TUSC3: variants seen among roughly 807,000 people sequenced by gnomAD.
TUSC3 encodes the protein dolichyl-diphosphooligosaccharide--protein glycosyltransferase subunit TUSC3.
TUSC3 carries 45 observed loss-of-function variants against 44.8 expected under a neutral mutation model. That is an observed-to-expected ratio of 1.00 (90% CI 0.79 to 1.29). TUSC3 has a LOEUF of 1.29. Among genes scored for constraint, TUSC3 ranks in the 50% most tolerant of loss-of-function variants. TUSC3 has a pLI of 0.00. For missense variants in TUSC3, 519 were observed against 437.9 expected (o/e 1.19, Z -1.65); for synonymous variants, 212 against 152.9 (o/e 1.39, Z -2.85).
In TUSC3 at chr8:15,449,611, G is replaced by C. The variant is rs146660350; in HGVS notation, n.91+32306G>C. On this transcript the variant is annotated intron_variant and non_coding_transcript_variant, in intron 1 of 5. Coordinates refer to the TUSC3 transcript ENST00000503191. ...GAAAAAGCCTAATGGAGGTTATTGA[G>C]GGAGGGAGTATAATGAGGCGTCTTA... 3.5e-4 allele frequency among the ~76,000 whole-genome samples: 54 copies of C among 152,278 alleles called. 1 individual carries two copies. The East Asian group carries it at 9.3e-3, about 26-fold the overall frequency.
At chr8:15,644,391 T>C (rs923429963) in intron 2 of TUSC3, among the ~76,000 whole-genome samples, 5 of 152,198 alleles carry the variant, frequency 3.3e-5, no homozygotes, top group Admixed American at 6.5e-5. Context: ...CAAAATATTT[T>C]TCAGTTAATA....
chr8:15,463,878 A>T (rs1800380764), intron 1 of TUSC3, among the ~76,000 whole-genome samples: 1 of 152,126 alleles, frequency 6.6e-6, no homozygotes, highest in African/African-American at 2.4e-5. Context: ...CATACATATA[A>T]TGTTCTTATT....
intron 1 of TUSC3, among the ~76,000 whole-genome samples, chr8:15,541,148 G>A (rs1386319982): frequency 1.3e-5 from 2 of 152,142 alleles, no homozygotes; most frequent in Non-Finnish European, 2.9e-5. Flanking sequence ...TTTACTTTAC[G>A]TTGAACTCAG....
the TUSC3 span, among the ~76,000 whole-genome samples, chr8:15,843,064 G>A: frequency 2.0e-5 from 3 of 152,158 alleles, no homozygotes; most frequent in Non-Finnish European, 2.9e-5. Context: ...AGGAAGAGGA[G>A]CGAGGGCTTT....
chr8:15,488,049 A>G (rs1001748867), intron 2 of TUSC3, among the ~76,000 whole-genome samples: 4 of 152,060 alleles, frequency 2.6e-5, no homozygotes, highest in Admixed American at 1.3e-4. Context: ...CATCAGTTTC[A>G]TTATCTATAA....
At chr8:15,499,740 G>A (rs918366765) in intron 2 of TUSC3, among the ~76,000 whole-genome samples, 24 of 152,084 alleles carry the variant, frequency 1.6e-4, no homozygotes, top group African/African-American at 5.8e-4. Flanking sequence ...TGAGCTTTCT[G>A]CCTATCTTTG....
chr8:15,457,951 A>G (rs139684165), intron 1 of TUSC3, among the ~76,000 whole-genome samples: 1 of 151,356 alleles, frequency 6.6e-6, no homozygotes, highest in African/African-American at 2.4e-5. Context: ...GAATCTTAAT[A>G]CAATATTGAA....
At chr8:15,766,902 C>G (rs931386125), downstream of TUSC3, among the ~76,000 whole-genome samples, 1 of 152,068 alleles carries the variant, frequency 6.6e-6, no homozygotes, top group Non-Finnish European at 1.5e-5. Flanking sequence ...AAGGACTGGT[C>G]ACTGGGGCGA....
At chr8:15,461,592 G>A (rs945068093) in intron 1 of TUSC3, among the ~76,000 whole-genome samples, 2 of 151,880 alleles carry the variant, frequency 1.3e-5, no homozygotes, top group African/African-American at 4.8e-5. Context: ...TGGTGAGAGT[G>A]GGCATCCTTG....
intron 9 of TUSC3, among the ~76,000 whole-genome samples, chr8:15,750,317 A>G (rs1811640438): frequency 6.6e-6 from 1 of 152,090 alleles, no homozygotes; most frequent in African/African-American, 2.4e-5. Context: ...GGAAGTAGGG[A>G]AGGGTAAAGG....
At chr8:15,799,622 A>C in the TUSC3 span, among the ~76,000 whole-genome samples, 1 of 152,218 alleles carries the variant, frequency 6.6e-6, no homozygotes, top group African/African-American at 2.4e-5. Context: ...CAATTTGGTC[A>C]ACATATTTAC....
At chr8:15,617,530 A>C (rs981743021) in intron 1 of TUSC3, among the ~76,000 whole-genome samples, 5 of 151,836 alleles carry the variant, frequency 3.3e-5, no homozygotes, top group Admixed American at 1.3e-4. Flanking sequence ...CCCTTTCCTT[A>C]TTTGTGAGTT....
chr8:15,795,087 T>G, the TUSC3 span, among the ~76,000 whole-genome samples: 2 of 152,170 alleles, frequency 1.3e-5, no homozygotes, highest in Non-Finnish European at 2.9e-5. Flanking sequence ...TTGTGTAGTA[T>G]TTAATTGAGG....
chr8:15,494,031 C>T (rs1800845596), intron 2 of TUSC3, among the ~76,000 whole-genome samples: 2 of 152,314 alleles, frequency 1.3e-5, no homozygotes, highest in Admixed American at 6.5e-5. Context: ...TTCTCTTACA[C>T]TCGTGGCATG....
chr8:15,847,128 C>G, the TUSC3 span, among the ~76,000 whole-genome samples: 1 of 152,080 alleles, frequency 6.6e-6, no homozygotes, highest in Admixed American at 6.6e-5. Context: ...AAAGAGACTT[C>G]TGGGCAGGTC....
the TUSC3 span, among the ~76,000 whole-genome samples, chr8:15,827,897 C>T: frequency 3.4e-4 from 51 of 151,694 alleles, no homozygotes; most frequent in South Asian, 8.1e-3. Flanking sequence ...CCAAATTTTG[C>T]GGGGCCAGAG....
chr8:15,447,682 C>A (rs1315968214), intron 1 of TUSC3, among the ~76,000 whole-genome samples: 1 of 150,348 alleles, frequency 6.7e-6, no homozygotes, highest in African/African-American at 2.4e-5. Flanking sequence ...AAAGCATGAA[C>A]ATAATTATGT....
intron 1 of TUSC3, among the ~76,000 whole-genome samples, chr8:15,581,642 T>A (rs1300659296): frequency 6.7e-6 from 1 of 149,246 alleles, no homozygotes; most frequent in African/African-American, 2.5e-5. Context: ...GGGTCAGGGG[T>A]CAGGGACCCA....
At chr8:15,636,453 G>C (rs1207431852) in intron 2 of TUSC3, among the ~76,000 whole-genome samples, 5 of 152,188 alleles carry the variant, frequency 3.3e-5, no homozygotes, top group Non-Finnish European at 5.9e-5. Context: ...TCAGATCCAA[G>C]TAGACCAACC....
Sources: gnomAD v4.1 joint callset for allele counts (sites outside exome capture counted in the v4.1 genomes callset) on GRCh38, gnomAD v4.1.1 for gene constraint, MANE v1.5 for transcripts, NCBI Gene and HGNC (gene_info 2026-07-23, HGNC 2026-07-21) for gene names.